Variants in RARB observed in about 807,000 individuals in gnomAD.
RARB encodes the protein retinoic acid receptor beta.
In RARB, 17 loss-of-function variants were observed where a neutral mutation model predicts 51.9. That is an observed-to-expected ratio of 0.33 (90% CI 0.22 to 0.49). The LOEUF is 0.49. RARB is among the 20% of genes least tolerant of loss of function. RARB has a pLI of 0.99. For missense variants in RARB, 369 were observed against 550.8 expected (o/e 0.67, Z 3.30); for synonymous variants, 215 against 195.4 (o/e 1.10, Z -0.84).
At chr3:25,196,443 G>T (rs1174408640) in intron 5 of RARB, among the ~76,000 whole-genome samples, 1 of 152,058 alleles carries the variant, frequency 6.6e-6, no homozygotes, top group Admixed American at 6.6e-5. Flanking sequence ...GTGTATATGT[G>T]CCACATTTTC....
chr3:25,138,883 C>G (rs1005215992), intron 4 of RARB, among the ~76,000 whole-genome samples: 1 of 152,116 alleles, frequency 6.6e-6, no homozygotes, highest in African/African-American at 2.4e-5. Context: ...CTGTGTTGAT[C>G]AAGTCTGTTA....
chr3:25,258,243 A>G (rs865932326), intron 5 of RARB, among the ~76,000 whole-genome samples: 1 of 152,100 alleles, frequency 6.6e-6, no homozygotes, highest in Non-Finnish European at 1.5e-5. Flanking sequence ...GATGATTTCC[A>G]TATGGGGAGC....
chr3:25,002,788 ATATCT>A (rs1212520228), intron 2 of RARB, among the ~76,000 whole-genome samples: 10 of 152,000 alleles, frequency 6.6e-5, no homozygotes, highest in Admixed American at 2.6e-4. Context: ...ATTTGGACAA[ATATCT>A]TAACCTTTTA....
intron 5 of RARB, among the ~76,000 whole-genome samples, chr3:25,206,777 G>A (rs80168573): frequency 5.3e-5 from 8 of 152,104 alleles, no homozygotes; most frequent in African/African-American, 1.4e-4. Context: ...ATTCATGCCC[G>A]ATAGCTTCCA....
At chr3:25,159,651 G>A (rs1199875982) in intron 4 of RARB, among the ~76,000 whole-genome samples, 1 of 152,080 alleles carries the variant, frequency 6.6e-6, no homozygotes, top group African/African-American at 2.4e-5. Flanking sequence ...CAAAACAGCT[G>A]TATCCTCTTT....
intron 5 of RARB, among the ~76,000 whole-genome samples, chr3:25,314,125 A>C (rs1441837788): frequency 6.6e-6 from 1 of 152,134 alleles, no homozygotes; most frequent in African/African-American, 2.4e-5. Flanking sequence ...TACAAAACTT[A>C]AAAATTTACT....
At chr3:25,215,268 G>T (rs1701803232) in intron 5 of RARB, among the ~76,000 whole-genome samples, 1 of 152,160 alleles carries the variant, frequency 6.6e-6, no homozygotes, top group South Asian at 2.1e-4. Context: ...AAATGTCTTT[G>T]TAGACAGAAA....
intron 2 of RARB, among the ~76,000 whole-genome samples, chr3:24,932,551 C>A (rs376652360): frequency 6.6e-6 from 1 of 151,984 alleles, no homozygotes; most frequent in African/African-American, 2.4e-5. Flanking sequence ...CACATACCTA[C>A]GGCTATATAT....
intron 3 of RARB, among the ~76,000 whole-genome samples, chr3:25,078,780 C>A (rs559504960): frequency 6.6e-6 from 1 of 152,202 alleles, no homozygotes; most frequent in Non-Finnish European, 1.5e-5. Context: ...ATCTGTCCGT[C>A]TTGGCCTCCC....
intron 5 of RARB, among the ~76,000 whole-genome samples, chr3:25,210,360 A>C (rs770143085): frequency 1.3e-5 from 2 of 151,858 alleles, no homozygotes; most frequent in Non-Finnish European, 2.9e-5. Flanking sequence ...GCAAATTATG[A>C]CCACAGGCCA....
chr3:25,193,068 T>C (rs1701144185), intron 5 of RARB, among the ~76,000 whole-genome samples: 1 of 152,046 alleles, frequency 6.6e-6, no homozygotes, highest in African/African-American at 2.4e-5. Context: ...AATGAAAACT[T>C]TGAGTTACAG....
chr3:25,452,605 C>G (rs912875419), intron 1 of RARB, among the ~76,000 whole-genome samples: 1 of 152,126 alleles, frequency 6.6e-6, no homozygotes, highest in Admixed American at 6.5e-5. Flanking sequence ...AGAGCAAACC[C>G]TGTGACCTTC....
At chr3:25,443,119 A>C (rs1179021582) in intron 1 of RARB, among the ~76,000 whole-genome samples, 3 of 152,152 alleles carry the variant, frequency 2.0e-5, no homozygotes, top group African/African-American at 4.8e-5. Context: ...AAATATGCTG[A>C]GTGTAGTTCA....
In RARB at chr3:25,046,736, T is replaced by C. The variant is rs552188848; in HGVS notation, c.-379-13389T>C. On this transcript the variant is annotated intron_variant, in intron 2 of 11. Transcript: ENST00000383772. ...TCCCAAAATGCTGGCATTACAGGCATGAACCACCACTCCTGGCCTATAATT... is the reference window on the plus strand; with the variant it reads ...TCCCAAAATGCTGGCATTACAGGCACGAACCACCACTCCTGGCCTATAATT... 6.6e-5 allele frequency among the ~76,000 whole-genome samples: 10 copies of C among 152,332 alleles called. No homozygotes were observed. The South Asian group carries it at 2.1e-3, about 32-fold the overall frequency.
At chr3:25,419,826 G>A (rs1707809371) in intron 5 of RARB, among the ~76,000 whole-genome samples, 1 of 152,102 alleles carries the variant, frequency 6.6e-6, no homozygotes, top group Non-Finnish European at 1.5e-5. Flanking sequence ...CCATGCTTAT[G>A]TGTTACCTTA....
In RARB at chr3:24,866,827, T is replaced by C. The variant is rs142221666; in HGVS notation, c.-380+8075T>C. On this transcript the variant is annotated intron_variant, in intron 2 of 11. Coordinates refer to the RARB transcript ENST00000383772. ...GGTTAAAGGGGAGAGCAGGGTTTTA[T>C]TATTCAAATCAGCCTCCCCAAGGAT... Among the ~76,000 whole-genome samples, 152 of 152,264 alleles carry C rather than the reference T, an allele frequency of 1.0e-3. 1 individual carries two copies. The highest frequency in any genetic ancestry group is 3.5e-3 in the African/African-American group (145 of 41,554).
chr3:25,078,534 A>ATTTTTTTTT (rs56349106), intron 3 of RARB, among the ~76,000 whole-genome samples: 1 of 141,290 alleles, frequency 7.1e-6, no homozygotes, highest in Admixed American at 7.1e-5. Flanking sequence ...CCAACTTTCT[A>ATTTTTTTTT]TTTTTTTTTT....
intron 2 of RARB, among the ~76,000 whole-genome samples, chr3:25,056,834 A>G (rs1421599209): frequency 6.6e-6 from 1 of 152,120 alleles, no homozygotes; most frequent in Non-Finnish European, 1.5e-5. Flanking sequence ...TCTTGATACA[A>G]TTCTTCCTTT....
intron 5 of RARB, among the ~76,000 whole-genome samples, chr3:25,190,407 A>ATG (rs1483693201): frequency 1.3e-5 from 2 of 152,050 alleles, no homozygotes; most frequent in African/African-American, 4.8e-5. Flanking sequence ...ATGCATATAT[A>ATG]TGTGTGTATA....
Sources: gnomAD v4.1 joint callset for allele counts (sites outside exome capture counted in the v4.1 genomes callset) on GRCh38, gnomAD v4.1.1 for gene constraint, MANE v1.5 for transcripts, NCBI Gene and HGNC (gene_info 2026-07-23, HGNC 2026-07-21) for gene names.